The following KCNJ5 variants were observed in gnomAD, a reference collection of about 807,000 sequenced individuals.
KCNJ5 encodes potassium inwardly rectifying channel subfamily J member 5.
A neutral mutation model predicts 20.2 loss-of-function variants in KCNJ5; 12 were observed. The ratio of observed to expected loss-of-function variants is 0.59; its 90% confidence interval spans 0.38 to 0.96. KCNJ5 has a LOEUF of 0.96. Among genes scored for constraint, KCNJ5 ranks in the 40% least tolerant of loss-of-function variants. The probability of loss-of-function intolerance (pLI) is 0.00; values close to 1 mark genes in which losing one functional copy is unlikely to be tolerated. For synonymous variants in KCNJ5, 210 were observed against 213.9 expected (o/e 0.98, Z 0.16); for missense variants, 449 against 557.6 (o/e 0.81, Z 1.96).
intron 2 of KCNJ5, among the ~76,000 whole-genome samples, chr11:128,913,880 C>A (rs577290015): frequency 6.6e-5 from 10 of 152,226 alleles, no homozygotes; most frequent in African/African-American, 2.2e-4. Flanking sequence ...TTCCAGCCCC[C>A]AGGAAGCTGG....
At chr11:128,897,792 AGTT>A (rs1944200934) in intron 1 of KCNJ5, among the ~76,000 whole-genome samples, 1 of 152,182 alleles carries the variant, frequency 6.6e-6, no homozygotes, top group African/African-American at 2.4e-5. Flanking sequence ...TTTATATTTA[AGTT>A]CATGATCCAT....
At position 128,895,480 on chromosome 11, in the gene KCNJ5, G is replaced by A. The variant is rs78725091; in HGVS notation, c.-11+3759G>A. 2.0e-3 allele frequency among the ~76,000 whole-genome samples: 306 copies of A among 151,858 alleles called. 9 individuals carry two copies. In the East Asian group the frequency reaches 0.057, roughly 28 times the overall value. Reference sequence around the variant, plus strand: ...CTGCTTCTGCTTCAGCAAGGGGGCTGTCCAGCAGTGCCAGCAGAAGCCATG... The same window carrying A: ...CTGCTTCTGCTTCAGCAAGGGGGCTATCCAGCAGTGCCAGCAGAAGCCATG... On this transcript the variant is annotated intron_variant, in intron 1 of 2. Coordinates refer to ENST00000529694, the MANE Select transcript of KCNJ5 (RefSeq NM_000890.5).
In KCNJ5 at chr11:128,891,397, G is replaced by GACACACACACAC. The variant is rs113761140; in HGVS notation, c.-301_-290dup. ...GAGGGAGAGAGGAGAGGGAGGAGGG[G>GACACACACACAC]ACACACACACACACACACACACACA... On this transcript the variant is annotated 5_prime_UTR_variant, in exon 1 of 3. Coordinates refer to ENST00000529694, the MANE Select transcript of KCNJ5 (RefSeq NM_000890.5). 8.2e-5 allele frequency: 7 copies of GACACACACACAC among 85,804 alleles called. 1 individual carries two copies. Among genetic ancestry groups the GACACACACACAC allele is most frequent in the Admixed American group, 3.9e-4 (3 of 7,608 alleles). The allele number at this position is 85,804 out of a possible 1,614,324, so 5.3% of individuals were successfully genotyped here. A position where few individuals can be genotyped will look rare whatever the true frequency, so the allele number is the denominator to read the frequency against.
chr11:128,913,934 A>G (rs907269594), intron 2 of KCNJ5, among the ~76,000 whole-genome samples: 1 of 152,176 alleles, frequency 6.6e-6, no homozygotes, highest in Admixed American at 6.5e-5. Flanking sequence ...AAGCCTTCCC[A>G]TTTTGAAGTT....
In KCNJ5 at chr11:128,918,473, G is replaced by C. The variant is rs996639067; in HGVS notation, c.*1742G>C. The C allele has an allele frequency of 6.6e-6, 1 of 152,320 alleles. No homozygotes were observed. The highest frequency in any genetic ancestry group is 2.4e-5 in the African/African-American group (1 of 41,470). The allele number at this position is 152,320 out of a possible 1,614,324, so 9.4% of individuals were successfully genotyped here. On this transcript the variant is annotated 3_prime_UTR_variant, in exon 3 of 3. Coordinates refer to ENST00000529694, the MANE Select transcript of KCNJ5 (RefSeq NM_000890.5). ...GTTGACACACACGGGCTTCGGGTTAGCTGGCCTGACATGGAGATAGAGTGC... is the reference window on the plus strand; with the variant it reads ...GTTGACACACACGGGCTTCGGGTTACCTGGCCTGACATGGAGATAGAGTGC...
At chr11:128,896,608 G>A (rs931148606) in intron 1 of KCNJ5, among the ~76,000 whole-genome samples, 21 of 69,990 alleles carry the variant, frequency 3.0e-4, no homozygotes, top group Admixed American at 2.6e-3. Flanking sequence ...CTTGTTGGGG[G>A]TGTGTGTGTG....
chr11:128,914,987 T>C (rs1156941201), intron 2 of KCNJ5, among the ~76,000 whole-genome samples: 2 of 152,178 alleles, frequency 1.3e-5, no homozygotes, highest in African/African-American at 2.4e-5. Flanking sequence ...CAGGCAGGCA[T>C]CACTGAGAGC....
chr11:128,895,722 C>T (rs1362788535), intron 1 of KCNJ5, among the ~76,000 whole-genome samples: 1 of 152,274 alleles, frequency 6.6e-6, no homozygotes, highest in Non-Finnish European at 1.5e-5. Context: ...AGACCACTGC[C>T]TGGGGGCGGG....
rs146470784 is a variant in KCNJ5, at chr11:128,918,297, C to G, written c.*1566C>G. 2.6e-5 allele frequency: 4 copies of G among 152,112 alleles called. No individual in the cohort carries two copies. The highest frequency in any genetic ancestry group is 9.7e-5 in the African/African-American group (4 of 41,390). 9.4% of individuals were successfully genotyped at this position (152,112 alleles called of 1,614,324 possible). A position where few individuals can be genotyped will look rare whatever the true frequency, so the allele number is the denominator to read the frequency against. On this transcript the variant is annotated 3_prime_UTR_variant, in exon 3 of 3. Transcript: ENST00000529694. ...CCCAGGCTGGAAACAAGAGGGCAAG[C>G]GGGGTCAGCAGGAGAATTCGGGGGC...
At chr11:128,903,077 G>A (rs564603253) in intron 1 of KCNJ5, among the ~76,000 whole-genome samples, 14 of 152,246 alleles carry the variant, frequency 9.2e-5, no homozygotes, top group African/African-American at 2.9e-4. Flanking sequence ...AGCAGCTGCC[G>A]CTTTAGAACT....
At chr11:128,900,509 A>C (rs1944256910) in intron 1 of KCNJ5, 1 of 152,232 alleles carries the variant, frequency 6.6e-6, no homozygotes, top group African/African-American at 2.4e-5. Context: ...ATGAACAGCC[A>C]ATACTCTCTC....
intron 1 of KCNJ5, among the ~76,000 whole-genome samples, chr11:128,896,279 A>C (rs1944175783): frequency 6.6e-6 from 1 of 152,196 alleles, no homozygotes; most frequent in Non-Finnish European, 1.5e-5. Context: ...GAAATAATGA[A>C]CAGAGATCTG....
At chr11:128,915,722 A>G (rs1211702192) in intron 2 of KCNJ5, among the ~76,000 whole-genome samples, 1 of 152,242 alleles carries the variant, frequency 6.6e-6, no homozygotes, top group African/African-American at 2.4e-5. Context: ...TGCTTAGCAC[A>G]AAGTAGATGT....
intron 1 of KCNJ5, among the ~76,000 whole-genome samples, chr11:128,905,182 G>A (rs1374608785): frequency 6.6e-6 from 1 of 152,134 alleles, no homozygotes; most frequent in Non-Finnish European, 1.5e-5. Flanking sequence ...GGGAGTCCCC[G>A]GCACTGCCAA....
chr11:128,903,903 C>A (rs4937388), intron 1 of KCNJ5, among the ~76,000 whole-genome samples: 1 of 151,340 alleles, frequency 6.6e-6, no homozygotes, highest in Non-Finnish European at 1.5e-5. Context: ...GTGCTCCCCC[C>A]GGGACTCAGA....
intron 1 of KCNJ5, among the ~76,000 whole-genome samples, chr11:128,903,755 T>G (rs985886842): frequency 6.6e-6 from 1 of 152,116 alleles, no homozygotes; most frequent in Non-Finnish European, 1.5e-5. Flanking sequence ...GAGCAGCTGT[T>G]AGATGAGTAG....
At chr11:128,895,897 T>A (rs1181606989) in intron 1 of KCNJ5, among the ~76,000 whole-genome samples, 1 of 151,750 alleles carries the variant, frequency 6.6e-6, no homozygotes, top group Admixed American at 6.6e-5. Flanking sequence ...CAGGGAGGGG[T>A]TTGGAAAGGA....
At chr11:128,892,229 C>T (rs545392870) in intron 1 of KCNJ5, among the ~76,000 whole-genome samples, 5 of 152,332 alleles carry the variant, frequency 3.3e-5, no homozygotes, top group East Asian at 1.9e-4. Context: ...TCACTTCCTG[C>T]GTACCTCCCT....
At chr11:128,905,390 G>A (rs1215716384) in intron 1 of KCNJ5, among the ~76,000 whole-genome samples, 1 of 152,216 alleles carries the variant, frequency 6.6e-6, no homozygotes, top group Non-Finnish European at 1.5e-5. Flanking sequence ...CCCCTGCGGG[G>A]TGAGGGGTCT....
Sources: allele counts gnomAD v4.1 joint callset (sites outside exome capture counted in the v4.1 genomes callset), GRCh38; gene constraint gnomAD v4.1.1; transcripts MANE v1.5; gene names NCBI Gene and HGNC (gene_info 2026-07-23, HGNC 2026-07-21).